Variants in RYK observed in about 807,000 individuals in gnomAD.
RYK encodes receptor like tyrosine kinase, also known as inactive tyrosine-protein kinase RYK.
RYK carries 21 observed loss-of-function variants against 70.2 expected under a neutral mutation model. That is an observed-to-expected ratio of 0.30 (90% CI 0.21 to 0.43). The LOEUF (loss-of-function observed/expected upper bound fraction) is 0.43, where lower values mean the gene tolerates loss of function less well. Among genes scored for constraint, RYK ranks in the 20% least tolerant of loss-of-function variants. The pLI, the probability that RYK is intolerant of heterozygous loss-of-function variation, is 1.00. For synonymous variants in RYK, 267 were observed against 278.0 expected, an observed-to-expected ratio of 0.96 and a Z score of 0.39; for missense variants, 604 against 753.3, an observed-to-expected ratio of 0.80 and a Z score of 2.32.
intron 1 of RYK, among the ~76,000 whole-genome samples, chr3:134,239,539 T>C (rs1559767204): frequency 6.6e-6 from 1 of 152,204 alleles, no homozygotes; most frequent in Admixed American, 6.5e-5. Context: ...AAGTATAGCT[T>C]CAGTCTAATT....
At chr3:134,218,076 A>C (rs1044584743) in intron 2 of RYK, among the ~76,000 whole-genome samples, 1 of 152,190 alleles carries the variant, frequency 6.6e-6, no homozygotes, top group African/African-American at 2.4e-5. Flanking sequence ...GTTTAGGTTT[A>C]TATTCAACCC....
chr3:134,224,943 T>G (rs1414072714), intron 1 of RYK, among the ~76,000 whole-genome samples: 1 of 152,116 alleles, frequency 6.6e-6, no homozygotes, highest in Non-Finnish European at 1.5e-5. Flanking sequence ...ATCTATATTC[T>G]ATTTCTAGTA....
At chr3:134,166,332 G>A (rs1042059764) in intron 13 of RYK, among the ~76,000 whole-genome samples, 6 of 152,080 alleles carry the variant, frequency 3.9e-5, no homozygotes, top group East Asian at 3.8e-4. Flanking sequence ...AACAGACACC[G>A]AACCTGCTGG....
chr3:134,229,312 CTCTCTT>C (rs1232940155), intron 1 of RYK, among the ~76,000 whole-genome samples: 3 of 149,428 alleles, frequency 2.0e-5, no homozygotes, highest in East Asian at 2.0e-4. Flanking sequence ...CTCTCTCTCT[CTCTCTT>C]TCTCTTTCCC....
intron 6 of RYK, among the ~76,000 whole-genome samples, chr3:134,201,814 G>T (rs1450148985): frequency 6.6e-6 from 1 of 152,208 alleles, no homozygotes; most frequent in Non-Finnish European, 1.5e-5. Flanking sequence ...TCCACATAAA[G>T]GAGGGCTTTC....
chr3:134,192,478 A>C (rs2013676062), intron 7 of RYK, among the ~76,000 whole-genome samples: 1 of 148,716 alleles, frequency 6.7e-6, no homozygotes, highest in East Asian at 2.1e-4. Context: ...TTGTTTGAAA[A>C]GGCTTTTTTC....
intron 1 of RYK, among the ~76,000 whole-genome samples, chr3:134,224,431 G>A (rs2014830590): frequency 6.6e-6 from 1 of 152,222 alleles, no homozygotes; most frequent in Admixed American, 6.5e-5. Flanking sequence ...CTGCTACCTA[G>A]AAGGCAGAGC....
chr3:134,208,948 A>G (rs1435348988), intron 4 of RYK, among the ~76,000 whole-genome samples: 1 of 152,050 alleles, frequency 6.6e-6, no homozygotes, highest in Non-Finnish European at 1.5e-5. Context: ...TTAGATACTA[A>G]CCAATTCTAC....
intron 2 of RYK, among the ~76,000 whole-genome samples, chr3:134,216,507 T>G (rs575631775): frequency 6.6e-6 from 1 of 152,056 alleles, no homozygotes; most frequent in African/African-American, 2.4e-5. Context: ...AAATAGCTAC[T>G]GACGGCCAGG....
At chr3:134,247,191 A>T (rs2015488446) in intron 1 of RYK, among the ~76,000 whole-genome samples, 1 of 152,236 alleles carries the variant, frequency 6.6e-6, no homozygotes. Context: ...TATTTTTACA[A>T]AAAAGTTACG....
Position 134,188,912 on chromosome 3 carries a change from G to C in RYK, c.1027C>G (p.Arg343Gly), listed in dbSNP as rs752906721. The C allele has an allele frequency of 6.5e-7, 1 of 1,548,056 alleles. No individual in the cohort carries two copies. The highest frequency in any genetic ancestry group is 8.8e-7 in the Non-Finnish European group (1 of 1,130,086). Residue 343 changes from arginine to glycine, a missense_variant, in exon 9 of 15, where the codon CGT (arginine) becomes GGT (glycine). Around this residue, in one of 2 missense-constraint regions of RYK, gnomAD observed 466 missense variants for 535.9 expected, o/e 0.87. Coordinates refer to ENST00000623711, the MANE Select transcript of RYK (RefSeq NM_002958.4). ...KDVLQEGTFG[R>G]IFHGILIDEK... ...TCTATTAAAATCCCATGGAAAATAC[G>C]CCCAAAAGTACCTAAAAGGAAAAGT...
chr3:134,191,632 AAT>A (rs2013644183), intron 8 of RYK, among the ~76,000 whole-genome samples: 1 of 152,234 alleles, frequency 6.6e-6, no homozygotes, highest in South Asian at 2.1e-4. Context: ...TACGTGCTTT[AAT>A]ATACTTGAAA....
chr3:134,224,137 G>C (rs1360802846), intron 1 of RYK, among the ~76,000 whole-genome samples: 1 of 152,170 alleles, frequency 6.6e-6, no homozygotes, highest in African/African-American at 2.4e-5. Context: ...AAAAAAGGCA[G>C]CTGGGCCTGG....
intron 10 of RYK, 101 bp from the exon 11 acceptor site, chr3:134,178,174 T>C: frequency 1.2e-6 from 1 of 841,102 alleles, no homozygotes; most frequent in South Asian, 1.9e-5. Flanking sequence ...ATCCCCAAAA[T>C]ACTTAAAAAC....
chr3:134,237,242 G>C (rs961189864), intron 1 of RYK, among the ~76,000 whole-genome samples: 2 of 152,116 alleles, frequency 1.3e-5, no homozygotes, highest in Non-Finnish European at 2.9e-5. Flanking sequence ...GTTGACTATT[G>C]GTTTCTCAAA....
intron 9 of RYK, among the ~76,000 whole-genome samples, chr3:134,187,896 G>A (rs1267472707): frequency 6.6e-6 from 1 of 151,920 alleles, no homozygotes; most frequent in Non-Finnish European, 1.5e-5. Flanking sequence ...ACAAGCATCT[G>A]TTGTAAGTAA....
intron 13 of RYK, among the ~76,000 whole-genome samples, chr3:134,169,000 A>G (rs2012796393): frequency 1.3e-5 from 2 of 152,088 alleles, no homozygotes; most frequent in Admixed American, 1.3e-4. Context: ...TCTCTGGATA[A>G]CTCCAGACTT....
At chr3:134,169,329 T>C (rs2012811435) in intron 13 of RYK, among the ~76,000 whole-genome samples, 1 of 152,220 alleles carries the variant, frequency 6.6e-6, no homozygotes, top group Non-Finnish European at 1.5e-5. Flanking sequence ...AGAATTACGT[T>C]AGCTACTATA....
rs1208084178 is a variant in RYK at position 134,191,868 on chromosome 3, T to C, written c.996A>G (p.Leu332=). The change falls in exon 8 of 15, where the codon CTA becomes CTG. Residue 332 remains leucine (L), a synonymous_variant. Transcript: ENST00000623711. ...AAATACCTTCTTGGAGTACATCTTTTAGAGTTATCCTCTCTCTGGATATTG... is the reference window on the plus strand; with the variant it reads ...AAATACCTTCTTGGAGTACATCTTTCAGAGTTATCCTCTCTCTGGATATTG... ...DIAISRERIT[L]KDVLQEGTFG... is the part of the protein sequence containing the mutation. The C allele has an allele frequency of 6.2e-7, 1 of 1,611,290 alleles. No homozygotes were observed. Among genetic ancestry groups the C allele is most frequent in the East Asian group, 2.2e-5 (1 of 44,790 alleles).
Sources: gnomAD v4.1 joint callset for allele counts (sites outside exome capture counted in the v4.1 genomes callset) on GRCh38, gnomAD v4.1.1 for gene constraint, gnomAD v4.1.1 regional missense constraint, MANE v1.5 for transcripts, NCBI Gene and HGNC (gene_info 2026-07-23, HGNC 2026-07-21) for gene names.